The following CKMT2 variants were observed in gnomAD, a reference collection of about 807,000 sequenced individuals.
CKMT2 encodes creatine kinase S-type, mitochondrial.
Under a neutral mutation model 48.9 loss-of-function variants are expected in CKMT2, and 43 were observed. That is an observed-to-expected ratio of 0.88 (90% CI 0.69 to 1.13). The LOEUF is 1.13. Among genes scored for constraint, CKMT2 ranks in the 50% most tolerant of loss-of-function variants. The probability of loss-of-function intolerance (pLI) is 0.00; values close to 1 mark genes in which losing one functional copy is unlikely to be tolerated. For missense variants in CKMT2, 472 were observed against 555.4 expected, an observed-to-expected ratio of 0.85 and a Z score of 1.51; for synonymous variants, 206 against 213.0, an observed-to-expected ratio of 0.97 and a Z score of 0.29.
In CKMT2 at chr5:81,259,188, C is replaced by T. The variant is rs1232378634; in HGVS notation, c.948C>T (p.Thr316=). The T allele has an allele frequency of 6.2e-7, 1 of 1,614,034 alleles. No individual in the cohort carries two copies. Among genetic ancestry groups the T allele is most frequent in the Non-Finnish European group, 8.5e-7 (1 of 1,179,956 alleles). ...ATGAGCGCCTAGGATACATTTTGAC[C>T]TGTCCTTCGAACCTTGGAACAGGAC... The part of the protein sequence containing the change: ...MWNERLGYIL[T]CPSNLGTGLR... Residue 316 remains threonine (T), a synonymous_variant, in exon 8 of 10, where the codon ACC becomes ACT. Coordinates refer to ENST00000254035, the MANE Select transcript of CKMT2 (RefSeq NM_001099735.2).
intron 7 of CKMT2, among the ~76,000 whole-genome samples, chr5:81,258,911 C>T (rs554406316): frequency 6.6e-6 from 1 of 152,128 alleles, no homozygotes; most frequent in African/African-American, 2.4e-5. Flanking sequence ...TTGGGGACCA[C>T]TGCTTTACAT....
At chr5:81,264,299 G>A (rs969199346) in intron 9 of CKMT2, among the ~76,000 whole-genome samples, 1 of 152,186 alleles carries the variant, frequency 6.6e-6, no homozygotes, top group Non-Finnish European at 1.5e-5. Flanking sequence ...AGTTATACCA[G>A]CCTATCTGGA....
chr5:81,242,846 G>A lies in CKMT2; in HGVS notation c.-20-8267G>A, dbSNP rs74701886. On this transcript the variant is annotated intron_variant, in intron 1 of 9. Coordinates refer to ENST00000254035, the MANE Select transcript of CKMT2 (RefSeq NM_001099735.2). ...TTCAGTCTGTCTGAGTTCTATGACA[G>A]TGGTCAGCATTTTCCATCTGGTGTG... Among the ~76,000 whole-genome samples the A allele has an allele frequency of 6.5e-3, 992 of 152,326 alleles. 7 individuals carry two copies. Among genetic ancestry groups the A allele is most frequent in the South Asian group, 0.027 (131 of 4,822 alleles).
intron 2 of CKMT2, 67 bp downstream of exon 2, chr5:81,251,351 C>T (rs1756808165): frequency 6.6e-7 from 1 of 1,526,154 alleles, no homozygotes; most frequent in African/African-American, 1.4e-5. Context: ...AATCCCAGCA[C>T]TTTGGAAGGC....
intron 9 of CKMT2, 80 bp downstream of exon 9, chr5:81,263,696 G>A (rs952475568): frequency 1.6e-5 from 22 of 1,392,832 alleles, no homozygotes; most frequent in Admixed American, 1.1e-4. Flanking sequence ...CAGCCTAGCC[G>A]TTTTCACAAA....
chr5:81,262,311 G>A (rs1298201333), intron 8 of CKMT2, among the ~76,000 whole-genome samples: 2 of 152,140 alleles, frequency 1.3e-5, no homozygotes, highest in Non-Finnish European at 2.9e-5. Context: ...AACACCAAGA[G>A]CAATGGCAAC....
intron 1 of CKMT2, among the ~76,000 whole-genome samples, chr5:81,244,356 C>T (rs541880787): frequency 9.8e-5 from 15 of 152,302 alleles, no homozygotes; most frequent in African/African-American, 3.6e-4. Context: ...TTCTACCTGT[C>T]TGCCTTGACC....
intron 8 of CKMT2, among the ~76,000 whole-genome samples, chr5:81,262,642 G>A (rs889188930): frequency 2.0e-5 from 3 of 151,790 alleles, no homozygotes; most frequent in Non-Finnish European, 2.9e-5. Flanking sequence ...ACCATCTCAC[G>A]GCCAGTTAGA....
At chr5:81,259,006 T>C (rs1757113609) in intron 7 of CKMT2, 114 bp from the exon 8 acceptor site, 4 of 1,008,736 alleles carry the variant, frequency 4.0e-6, no homozygotes, top group Admixed American at 2.4e-5. Flanking sequence ...AAATTTACCT[T>C]AATTTCATTC....
intron 8 of CKMT2, among the ~76,000 whole-genome samples, chr5:81,262,669 A>C (rs116082948): frequency 0.015 from 2,323 of 152,256 alleles, 47 homozygotes; most frequent in African/African-American, 0.053. Context: ...ATCATTAAAA[A>C]GTCAGGAAAC....
chr5:81,240,318 C>T (rs984445517), intron 1 of CKMT2, among the ~76,000 whole-genome samples: 20 of 152,228 alleles, frequency 1.3e-4, no homozygotes, highest in Non-Finnish European at 2.9e-5. Context: ...AGGGAAAACA[C>T]TCAGCATACC....
At chr5:81,233,681 CTAAAG>C (rs1756171997) in intron 1 of CKMT2, among the ~76,000 whole-genome samples, 3 of 152,254 alleles carry the variant, frequency 2.0e-5, no homozygotes, top group African/African-American at 7.2e-5. Flanking sequence ...AAAAAAAAAT[CTAAAG>C]GCTGTATTTT....
intron 1 of CKMT2, among the ~76,000 whole-genome samples, chr5:81,236,816 AT>A (rs1444545825): frequency 6.6e-6 from 1 of 152,208 alleles, no homozygotes; most frequent in African/African-American, 2.4e-5. Context: ...AAAGTATGTG[AT>A]AGACACCTTT....
intron 4 of CKMT2, 200 bp downstream of exon 4, chr5:81,254,691 C>T: frequency 1.7e-6 from 1 of 597,388 alleles, no homozygotes; most frequent in Non-Finnish European, 3.0e-6. Context: ...ATAAATACAA[C>T]TAGGGAAGGG....
intron 1 of CKMT2, chr5:81,238,527 C>T (rs1206142285): frequency 3.3e-5 from 5 of 152,198 alleles, no homozygotes; most frequent in Admixed American, 6.5e-5. Context: ...TCAGCCTTCC[C>T]TAAGTTGAAA....
chr5:81,263,490 G>T lies in CKMT2; in HGVS notation c.1015-1G>T, dbSNP rs1757297653. 1.9e-6 allele frequency: 3 copies of T among 1,611,356 alleles called. No individual in the cohort carries two copies. The highest frequency in any genetic ancestry group is 2.5e-6 in the Non-Finnish European group (3 of 1,178,528). On this transcript the variant is annotated splice_acceptor_variant, in intron 8 of 9. Coordinates refer to ENST00000254035, the MANE Select transcript of CKMT2 (RefSeq NM_001099735.2). LOFTEE classifies it high-confidence loss of function. ...ATTTAAGTATTATCCCTTTGTCCTA[G>T]GACCCACGCTTTTCTAAGATCCTGG...
rs139841645 is a variant in CKMT2, at chr5:81,250,906, C to T, written c.-20-207C>T. The T allele has an allele frequency of 5.7e-4, 182 of 319,234 alleles. No homozygotes were observed. In the East Asian group the frequency reaches 8.1e-3, roughly 14 times the overall value. 19.8% of individuals were successfully genotyped at this position (319,234 alleles called of 1,614,324 possible). A position where few individuals can be genotyped will look rare whatever the true frequency, so the allele number is the denominator to read the frequency against. On this transcript the variant is annotated intron_variant, in intron 1 of 9. Transcript: ENST00000254035. ...CTAAAACTACCCAGATTTTCCCAAG[C>T]AATATGAAGAAAAAAGCAAAGCAAG...
chr5:81,235,523 G>A (rs1327417748), intron 1 of CKMT2, among the ~76,000 whole-genome samples: 1 of 152,184 alleles, frequency 6.6e-6, no homozygotes, highest in Non-Finnish European at 1.5e-5. Context: ...GCTGTGAATG[G>A]CTGGACCAGA....
intron 3 of CKMT2, among the ~76,000 whole-genome samples, chr5:81,253,271 C>G (rs1049019975): frequency 6.6e-6 from 1 of 151,988 alleles, no homozygotes; most frequent in Non-Finnish European, 1.5e-5. Flanking sequence ...GGGTGGGGGT[C>G]GGGAGGAGGG....
Sources: gnomAD v4.1 joint callset for allele counts (sites outside exome capture counted in the v4.1 genomes callset) on GRCh38, gnomAD v4.1.1 for gene constraint, MANE v1.5 for transcripts, NCBI Gene and HGNC (gene_info 2026-07-23, HGNC 2026-07-21) for gene names.